DNAH3: variants seen among roughly 807,000 people sequenced by gnomAD.
DNAH3 encodes the protein dynein axonemal heavy chain 3, also known as axonemal beta dynein heavy chain 3.
DNAH3 carries 332 observed loss-of-function variants against 432.5 expected under a neutral mutation model. That is an observed-to-expected ratio of 0.77 (90% CI 0.70 to 0.84). The LOEUF (loss-of-function observed/expected upper bound fraction) is 0.84. Ranked by LOEUF, DNAH3 falls within the 40% of genes least tolerant of loss-of-function variation. The pLI is 0.00. For synonymous variants in DNAH3, 1,956 were observed against 1,900.2 expected (o/e 1.03, Z -0.76); for missense variants, 4,861 against 5,114.0 (o/e 0.95, Z 1.51).
At chr16:21,003,814 CA>C (rs755766089) in intron 41 of DNAH3, among the ~76,000 whole-genome samples, 3 of 151,518 alleles carry the variant, frequency 2.0e-5, no homozygotes, top group East Asian at 1.9e-4. Context: ...AAAAAAAGAA[CA>C]AAAAAAGAAG....
intron 57 of DNAH3, 36 bp downstream of exon 57, chr16:20,948,447 G>T (rs752848795): frequency 1.4e-5 from 23 of 1,601,822 alleles, no homozygotes; most frequent in Non-Finnish European, 1.9e-5. Context: ...GGAGCCCTGT[G>T]GGGGAAAGAG....
intron 59 of DNAH3, among the ~76,000 whole-genome samples, chr16:20,940,176 T>C (rs974517488): frequency 6.6e-6 from 1 of 152,214 alleles, no homozygotes; most frequent in Admixed American, 6.5e-5. Context: ...CGTTGAATGA[T>C]TGAATAACTG....
Position 20,957,346 on chromosome 16 carries a change from T to G in DNAH3, c.10826+1833A>C, listed in dbSNP as rs568010510. Among the ~76,000 whole-genome samples, 4 of 152,336 alleles carry G rather than the reference T, an allele frequency of 2.6e-5. No homozygotes were observed. The South Asian group carries it at 8.3e-4, about 32-fold the overall frequency. On this transcript the variant is annotated intron_variant, in intron 54 of 61. Coordinates refer to ENST00000261383, the Ensembl canonical transcript of DNAH3. ...TAAGCATGATGTTTTTCAATAAAAC[T>G]TTATTTATGGACACTAAAATTTGAA...
intron 21 of DNAH3, among the ~76,000 whole-genome samples, chr16:21,074,002 A>G (rs992061294): frequency 2.0e-5 from 3 of 152,178 alleles, no homozygotes; most frequent in Admixed American, 2.0e-4. Context: ...CTGGGTCTTC[A>G]CTTTCGATGG....
At chr16:21,096,320 AG>A (rs929627492) in intron 18 of DNAH3, among the ~76,000 whole-genome samples, 1 of 151,690 alleles carries the variant, frequency 6.6e-6, no homozygotes, top group African/African-American at 2.4e-5. Flanking sequence ...TTGTAGAGAC[AG>A]GGTTCTCACT....
At chr16:21,043,100 T>C (rs1361113991) in intron 31 of DNAH3, among the ~76,000 whole-genome samples, 1 of 152,106 alleles carries the variant, frequency 6.6e-6, no homozygotes, top group Non-Finnish European at 1.5e-5. Context: ...GTTCCAAGTC[T>C]TTGCTATTGT....
At chr16:21,019,585 A>G (rs777944195) in intron 41 of DNAH3, 39 bp downstream of exon 41, 1 of 1,608,094 alleles carries the variant, frequency 6.2e-7, no homozygotes, top group African/African-American at 1.3e-5. Flanking sequence ...CGTAATTCCA[A>G]CTATTATACT....
chr16:21,069,445 A>C, exon 23 of DNAH3: 1 of 1,614,170 alleles, frequency 6.2e-7, no homozygotes, highest in South Asian at 1.1e-5. Context: ...TCCAGTAACT[A>C]TCAACAATGC....
At chr16:20,979,337 G>A (rs2085745704) in exon 50 of DNAH3, 2 of 1,613,954 alleles carry the variant, frequency 1.2e-6, no homozygotes, top group Non-Finnish European at 1.7e-6. Context: ...CACCTGAGAA[G>A]CTGCAAAGTC....
intron 31 of DNAH3, among the ~76,000 whole-genome samples, chr16:21,045,557 TTC>T (rs1184974396): frequency 6.7e-6 from 1 of 149,176 alleles, no homozygotes; most frequent in Non-Finnish European, 1.5e-5. Flanking sequence ...TATTTGATTC[TTC>T]TCTCTTTTTT....
chr16:20,964,853 C>T (rs746811682), exon 53 of DNAH3: 9 of 1,614,020 alleles, frequency 5.6e-6, no homozygotes, highest in East Asian at 2.2e-5. Flanking sequence ...ACTGTAAAAG[C>T]GCCCAGGTAA....
At chr16:21,040,984 TC>T (rs1233766346) in intron 32 of DNAH3, among the ~76,000 whole-genome samples, 17 of 152,196 alleles carry the variant, frequency 1.1e-4, no homozygotes, top group Admixed American at 4.6e-4. Context: ...CTTTCTACTA[TC>T]CCATGGCATT....
intron 18 of DNAH3, among the ~76,000 whole-genome samples, chr16:21,088,383 G>C (rs1340031747): frequency 6.6e-6 from 1 of 152,114 alleles, no homozygotes. Flanking sequence ...CCACTCTATA[G>C]TTGTAAGAGT....
chr16:21,141,522 G>A (rs534995267), intron 3 of DNAH3, 150 bp from the exon 5 acceptor site: 2 of 604,914 alleles, frequency 3.3e-6, no homozygotes, highest in East Asian at 2.9e-5. Flanking sequence ...GTGGGCTCAG[G>A]TCTCATGTGC....
At chr16:21,068,312 AC>A (rs1368603799) in intron 23 of DNAH3, among the ~76,000 whole-genome samples, 1 of 105,160 alleles carries the variant, frequency 9.5e-6, no homozygotes, top group Admixed American at 1.4e-4. Context: ...TTTGTATATT[AC>A]TTTTTTTTGG....
intron 41 of DNAH3, among the ~76,000 whole-genome samples, chr16:21,009,911 AGGAGG>A (rs748139772): frequency 0.14 from 9,511 of 67,238 alleles, 608 homozygotes; most frequent in East Asian, 0.26. Context: ...AGGAGAGGAG[AGGAGG>A]GGAGGGGAGG....
intron 6 of DNAH3, 93 bp from the exon 8 acceptor site, chr16:21,134,547 G>A (rs925693378): frequency 1.6e-5 from 19 of 1,216,106 alleles, no homozygotes; most frequent in Non-Finnish European, 2.1e-5. Context: ...ATATAGAGAC[G>A]GGGTCTCACT....
chr16:20,985,010 CCAG>C (rs2086119293), intron 48 of DNAH3, 36 bp downstream of exon 48: 25 of 1,531,852 alleles, frequency 1.6e-5, no homozygotes, highest in Non-Finnish European at 8.8e-7. Flanking sequence ...CCCAAAACAC[CCAG>C]AAGAACAAGG....
intron 53 of DNAH3, among the ~76,000 whole-genome samples, 172 bp downstream of exon 53, chr16:20,963,112 G>A (rs1263235360): frequency 6.6e-6 from 1 of 152,198 alleles, no homozygotes; most frequent in East Asian, 1.9e-4. Flanking sequence ...CGGAGTAGCA[G>A]CTGACCTCTA....
Sources: allele counts gnomAD v4.1 joint callset (sites outside exome capture counted in the v4.1 genomes callset), GRCh38; gene constraint gnomAD v4.1.1; transcripts MANE v1.5; gene names NCBI Gene and HGNC (gene_info 2026-07-23, HGNC 2026-07-21).